Variants in CHD9 observed in about 807,000 individuals in gnomAD.
CHD9 encodes the protein chromodomain helicase DNA binding protein 9, also known as ATP-dependent chromatin remodeler CHD9.
A neutral mutation model predicts 316.1 loss-of-function variants in CHD9; 77 were observed. That is an observed-to-expected ratio of 0.24 (90% CI 0.20 to 0.29). The LOEUF (loss-of-function observed/expected upper bound fraction) is 0.29. CHD9 is among the 10% of genes least tolerant of loss of function. CHD9 has a pLI of 1.00. For synonymous variants in CHD9, 1,129 were observed against 1,158.3 expected, an observed-to-expected ratio of 0.97 and a Z score of 0.51; for missense variants, 2,763 against 3,438.1, an observed-to-expected ratio of 0.80 and a Z score of 4.91.
rs557849884 is a variant in CHD9 at position 53,197,400 on chromosome 16, T to C, written c.1453-12082T>C. On this transcript the variant is annotated intron_variant, in intron 2 of 38. Transcript: ENST00000447540. ...AACAATACACGAACAAATTGATGTTTGTGTAGTCTACCTGGTCTTTATTCA... is the reference window on the plus strand; with the variant it reads ...AACAATACACGAACAAATTGATGTTCGTGTAGTCTACCTGGTCTTTATTCA... Among the ~76,000 whole-genome samples the C allele has an allele frequency of 1.6e-4, 24 of 152,318 alleles. No homozygotes were observed. The South Asian group carries it at 4.4e-3, about 28-fold the overall frequency.
chr16:53,319,789 T>A (rs2057138576), intron 37 of CHD9: 1 of 1,232,786 alleles, frequency 8.1e-7, no homozygotes, highest in Non-Finnish European at 1.0e-6. Flanking sequence ...GAGTTTCTAA[T>A]TGTCTTGAGT....
intron 25 of CHD9, 59 bp downstream of exon 25, chr16:53,285,758 T>C: frequency 1.2e-6 from 1 of 865,086 alleles, no homozygotes; most frequent in South Asian, 1.7e-5. Flanking sequence ...TTCTGTCAGT[T>C]CTCAGTTCAT....
intron 1 of CHD9, among the ~76,000 whole-genome samples, chr16:53,155,385 A>G (rs934698299): frequency 1.3e-5 from 2 of 152,090 alleles, no homozygotes; most frequent in Non-Finnish European, 2.9e-5. Context: ...ACCATGGCCG[A>G]GTAGTTTTGA....
intron 34 of CHD9, chr16:53,311,807 A>G (rs970768071): frequency 1.3e-5 from 2 of 152,200 alleles, no homozygotes; most frequent in African/African-American, 4.8e-5. Context: ...AAGTGGCTTA[A>G]TGTTCCCATC....
chr16:53,257,116 C>G (rs1364357589), intron 19 of CHD9, among the ~76,000 whole-genome samples: 1 of 152,032 alleles, frequency 6.6e-6, no homozygotes, highest in Non-Finnish European at 1.5e-5. Flanking sequence ...GAGGGAATTG[C>G]GAATTTCATT....
intron 2 of CHD9, among the ~76,000 whole-genome samples, chr16:53,188,719 C>T (rs1317277779): frequency 2.7e-5 from 4 of 150,144 alleles, no homozygotes; most frequent in Non-Finnish European, 5.9e-5. Flanking sequence ...CTCAGCCTCC[C>T]GAGTAGCTGC....
chr16:53,316,128 C>T (rs569334172), intron 36 of CHD9, among the ~76,000 whole-genome samples: 5 of 151,394 alleles, frequency 3.3e-5, no homozygotes, highest in South Asian at 4.2e-4. Flanking sequence ...TTGCTCAGGC[C>T]GGTCTCAAAC....
chr16:53,160,972 C>A (rs146118990), intron 2 of CHD9, among the ~76,000 whole-genome samples: 1 of 152,082 alleles, frequency 6.6e-6, no homozygotes, highest in African/African-American at 2.4e-5. Context: ...GTAATCCCAA[C>A]ACTTTGAGAG....
At position 53,245,487 on chromosome 16, in the gene CHD9, A is replaced by C; in HGVS notation, c.3198+8A>C. ...CTGAAAACAGAGGAACAGGTATCCT[A>C]TTGCTCTTTGTAAATACATTCATCG... On this transcript the variant is annotated splice_region_variant and intron_variant, in intron 14 of 38. Coordinates refer to ENST00000447540, the MANE Select transcript of CHD9 (RefSeq NM_001308319.2). The surrounding 1 kb of genome is among the most constrained non-coding windows in gnomAD (Gnocchi z 4.1). 1 of 1,573,406 alleles carries C rather than the reference A, an allele frequency of 6.4e-7. No homozygotes were observed. The highest frequency in any genetic ancestry group is 8.6e-7 in the Non-Finnish European group (1 of 1,165,346).
intron 22 of CHD9, among the ~76,000 whole-genome samples, chr16:53,269,938 C>A (rs1349152181): frequency 6.6e-6 from 1 of 152,100 alleles, no homozygotes; most frequent in Non-Finnish European, 1.5e-5. Flanking sequence ...AAGATTGAAA[C>A]CCTGCTATAA....
chr16:53,177,933 AC>A (rs1208978005), intron 2 of CHD9, among the ~76,000 whole-genome samples: 1 of 152,216 alleles, frequency 6.6e-6, no homozygotes, highest in African/African-American at 2.4e-5. Flanking sequence ...TCATGAATAC[AC>A]ATGAACTTCT....
chr16:53,301,291 T>C (rs2055389979), intron 30 of CHD9, among the ~76,000 whole-genome samples: 1 of 152,124 alleles, frequency 6.6e-6, no homozygotes. Flanking sequence ...TAAAAAAAAA[T>C]GTGAGTGAGG....
chr16:53,243,149 G>C lies in CHD9; in HGVS notation c.3054+133G>C, dbSNP rs999889993. 3 of 581,274 alleles carry C rather than the reference G, an allele frequency of 5.2e-6. No individual in the cohort carries two copies. In the African/African-American group the frequency reaches 5.8e-5, roughly 11 times the overall value. The allele number at this position is 581,274 out of a possible 1,614,324, so 36.0% of individuals were successfully genotyped here. A position where few individuals can be genotyped will look rare whatever the true frequency, so the allele number is the denominator to read the frequency against. On this transcript the variant is annotated intron_variant, in intron 13 of 38. Coordinates refer to ENST00000447540, the MANE Select transcript of CHD9 (RefSeq NM_001308319.2). The stretch of plus-strand genomic sequence containing the variant: ...CATCTGAATCTTATCTGTGATAATT[G>C]AGATTTTTTGGGGGGCCTTAATTTG...
intron 1 of CHD9, among the ~76,000 whole-genome samples, chr16:53,110,197 A>G (rs2037752116): frequency 6.6e-6 from 1 of 152,138 alleles, no homozygotes; most frequent in South Asian, 2.1e-4. Context: ...GCTTATGTCT[A>G]TAGAAGTATT....
At chr16:53,306,662 G>T (rs1479421882) in intron 32 of CHD9, among the ~76,000 whole-genome samples, 1 of 152,198 alleles carries the variant, frequency 6.6e-6, no homozygotes, top group African/African-American at 2.4e-5. Context: ...GCTTCTTTAT[G>T]AAACAGGTGC....
At chr16:53,155,818 T>G in intron 1 of CHD9, 108 bp from the exon 2 acceptor site, 2 of 378,206 alleles carry the variant, frequency 5.3e-6, no homozygotes, top group Non-Finnish European at 9.5e-6. Flanking sequence ...TATGTGGTAT[T>G]TTGTGACTGA....
intron 2 of CHD9, among the ~76,000 whole-genome samples, chr16:53,184,529 G>A (rs1395023436): frequency 6.6e-6 from 1 of 152,040 alleles, no homozygotes; most frequent in Non-Finnish European, 1.5e-5. Context: ...TTGTTTTGTA[G>A]ACATGGGGTT....
Position 53,315,131 on chromosome 16 carries a change from A to T in CHD9, c.7584+87A>T. 4 of 889,184 alleles carry T rather than the reference A, an allele frequency of 4.5e-6. No homozygotes were observed. In the South Asian group the frequency reaches 6.9e-5, roughly 15 times the overall value. The allele number at this position is 889,184 out of a possible 1,614,324, so 55.1% of individuals were successfully genotyped here. A position where few individuals can be genotyped will look rare whatever the true frequency, so the allele number is the denominator to read the frequency against. ...ATGAAGCATAAATTCTCATCCACTT[A>T]TGCTAAATATGTGCTCTGCCTAAGA... On this transcript the variant is annotated intron_variant, in intron 36 of 38. Coordinates refer to ENST00000447540, the MANE Select transcript of CHD9 (RefSeq NM_001308319.2).
chr16:53,167,659 T>A (rs1435265651), intron 2 of CHD9, among the ~76,000 whole-genome samples: 1 of 147,700 alleles, frequency 6.8e-6, no homozygotes, highest in Non-Finnish European at 1.5e-5. Context: ...ATTATTTGAT[T>A]CTTCAAATAC....
Sources: gnomAD v4.1 joint callset for allele counts (sites outside exome capture counted in the v4.1 genomes callset) on GRCh38, gnomAD v4.1.1 for gene constraint, Gnocchi (gnomAD v3.1) non-coding constraint, MANE v1.5 for transcripts, NCBI Gene and HGNC (gene_info 2026-07-23, HGNC 2026-07-21) for gene names.